The following CLIC2 variants were observed in gnomAD, a reference collection of about 807,000 sequenced individuals.
CLIC2 encodes CLIC family member 2.
Under a neutral mutation model 14.8 loss-of-function variants are expected in CLIC2, and 9 were observed. The ratio of observed to expected loss-of-function variants is 0.61; its 90% CI spans 0.37 to 1.06. CLIC2 has a LOEUF of 1.06. Among genes scored for constraint, CLIC2 ranks in the 50% least tolerant of loss-of-function variants. CLIC2 has a pLI of 0.01. For synonymous variants in CLIC2, 61 were observed against 66.3 expected (o/e 0.92, Z 0.39); for missense variants, 148 against 181.4 (o/e 0.82, Z 1.06).
intron 3 of CLIC2, chrX:155,292,728 C>A (rs10283994): frequency 0.01 from 4,235 of 409,534 alleles, 22 homozygotes; most frequent in Non-Finnish European, 0.014. Context: ...CGAGATCGCG[C>A]CACTGCACTC....
In CLIC2 at chrX:155,291,273, G is replaced by T. The variant is rs782752569; in HGVS notation, c.293+7512C>A. The stretch of plus-strand genomic sequence containing the variant: ...ACTATATATGATCCAATCATAAGTT[G>T]CCCATTTTCAATAGATATTTTCAGA... On this transcript the variant is annotated intron_variant, in intron 3 of 5. Coordinates refer to ENST00000369449, the MANE Select transcript of CLIC2 (RefSeq NM_001289.6). The T allele has an allele frequency of 7.6e-6, 7 of 915,637 alleles. No individual in the cohort carries two copies. The South Asian group carries it at 9.9e-5, about 13-fold the overall frequency. 75.5% of individuals were successfully genotyped at this position (915,637 alleles called of 1,213,427 possible). A position where few individuals can be genotyped will look rare whatever the true frequency, so the allele number is the denominator to read the frequency against.
chrX:155,304,908 G>T (rs1249216341), intron 1 of CLIC2, among the ~76,000 whole-genome samples: 3 of 102,275 alleles, frequency 2.9e-5, no homozygotes, highest in Non-Finnish European at 6.1e-5. Flanking sequence ...CAGGGGTCAG[G>T]GACCCACTTG....
intron 1 of CLIC2, among the ~76,000 whole-genome samples, chrX:155,301,375 T>C (rs1248501998): frequency 9.0e-6 from 1 of 110,858 alleles, no homozygotes; most frequent in African/African-American, 3.3e-5. Context: ...TTTGGCTCTC[T>C]GTTTGTCTGT....
At chrX:155,279,057 A>C in intron 5 of CLIC2, 92 bp downstream of exon 5, 1 of 679,554 alleles carries the variant, frequency 1.5e-6, no homozygotes, top group East Asian at 3.2e-5. Flanking sequence ...CAAAGCTATA[A>C]TATAATAATA....
intron 1 of CLIC2, among the ~76,000 whole-genome samples, chrX:155,315,894 C>T (rs1311726013): frequency 1.8e-5 from 2 of 111,673 alleles, no homozygotes; most frequent in Non-Finnish European, 3.8e-5. Flanking sequence ...CATAAGGACT[C>T]AGGTAAACTT....
chrX:155,313,269 G>C (rs1442713635), intron 1 of CLIC2, among the ~76,000 whole-genome samples: 1 of 110,168 alleles, frequency 9.1e-6, no homozygotes, highest in Non-Finnish European at 1.9e-5. Flanking sequence ...TGTTAAGTGG[G>C]AGTCTAAATT....
At chrX:155,317,160 G>T (rs2075098026) in intron 1 of CLIC2, among the ~76,000 whole-genome samples, 1 of 111,253 alleles carries the variant, frequency 9.0e-6, no homozygotes, top group Admixed American at 9.6e-5. Context: ...CAGAACTGAA[G>T]AAACAAAAGC....
At chrX:155,332,833 G>A (rs2075161325) in intron 1 of CLIC2, among the ~76,000 whole-genome samples, 1 of 112,421 alleles carries the variant, frequency 8.9e-6, no homozygotes, top group Non-Finnish European at 1.9e-5. Context: ...GCCAACAATT[G>A]ATTTCAGGAG....
intron 3 of CLIC2, among the ~76,000 whole-genome samples, chrX:155,286,394 G>A (rs182581427): frequency 8.9e-6 from 1 of 111,944 alleles, no homozygotes; most frequent in East Asian, 2.8e-4. Flanking sequence ...TGGGCATTTG[G>A]GTTGATTCCA....
intron 1 of CLIC2, among the ~76,000 whole-genome samples, chrX:155,302,084 C>G (rs1403406318): frequency 9.6e-6 from 1 of 104,155 alleles, no homozygotes; most frequent in African/African-American, 3.5e-5. Flanking sequence ...CAGAATGATG[C>G]TGGCCTCATA....
At chrX:155,334,318 A>T in intron 1 of CLIC2, 53 bp downstream of exon 1, 1 of 937,625 alleles carries the variant, frequency 1.1e-6, no homozygotes, top group Non-Finnish European at 1.5e-6. Flanking sequence ...ATTGGACTTC[A>T]GTGTCAAAAA....
intron 3 of CLIC2, among the ~76,000 whole-genome samples, chrX:155,280,370 C>T (rs907521482): frequency 1.4e-4 from 16 of 112,256 alleles, no homozygotes; most frequent in African/African-American, 5.2e-4. Context: ...AATGTCAGTA[C>T]AATACATTTG....
intron 3 of CLIC2, chrX:155,292,582 A>C: frequency 2.7e-6 from 1 of 365,789 alleles, no homozygotes; most frequent in Non-Finnish European, 4.8e-6. Context: ...CATCCTGGCT[A>C]ACACGGTGAA....
At chrX:155,319,528 A>C (rs1306617504) in intron 1 of CLIC2, among the ~76,000 whole-genome samples, 1 of 112,363 alleles carries the variant, frequency 8.9e-6, no homozygotes, top group Admixed American at 9.4e-5. Context: ...ACTCTGGCCC[A>C]GATACTATGC....
intron 1 of CLIC2, among the ~76,000 whole-genome samples, chrX:155,334,123 C>T (rs1221193626): frequency 9.0e-6 from 1 of 111,295 alleles, no homozygotes; most frequent in Non-Finnish European, 1.9e-5. Context: ...ATAATTTAGT[C>T]GCTCACTACA....
chrX:155,313,742 CTG>C (rs2075083483), intron 1 of CLIC2, among the ~76,000 whole-genome samples: 1 of 111,907 alleles, frequency 8.9e-6, no homozygotes, highest in Admixed American at 9.5e-5. Flanking sequence ...TGCTGAAAAA[CTG>C]TGAGTCTCCT....
intron 3 of CLIC2, chrX:155,292,190 T>C (rs942318306): frequency 1.8e-6 from 1 of 566,111 alleles, no homozygotes; most frequent in African/African-American, 2.2e-5. Flanking sequence ...ACAAGTCAGT[T>C]AATATTTGGG....
chrX:155,313,206 A>T (rs1191718366), intron 1 of CLIC2, among the ~76,000 whole-genome samples: 1 of 109,198 alleles, frequency 9.2e-6, no homozygotes, highest in East Asian at 2.8e-4. Flanking sequence ...GCAAAAAAAA[A>T]AAAAAAAAAC....
chrX:155,307,574 A>C (rs782727963), intron 1 of CLIC2, among the ~76,000 whole-genome samples: 15 of 112,173 alleles, frequency 1.3e-4, no homozygotes, highest in Admixed American at 4.7e-4. Context: ...TCAACAACTA[A>C]CTACCCAACT....
Sources: allele counts gnomAD v4.1 joint callset (sites outside exome capture counted in the v4.1 genomes callset), GRCh38; gene constraint gnomAD v4.1.1; transcripts MANE v1.5; gene names NCBI Gene and HGNC (gene_info 2026-07-23, HGNC 2026-07-21).